The following SLFN12L variants were observed in gnomAD, a reference collection of about 807,000 sequenced individuals.
SLFN12L encodes the protein schlafen family member 12-like.
In SLFN12L, 34 loss-of-function variants were observed where a neutral mutation model predicts 34.8. The observed-to-expected ratio is 0.98, with a 90% CI of 0.74 to 1.30. The LOEUF (loss-of-function observed/expected upper bound fraction) is 1.30, where lower values mean the gene tolerates loss of function less well. Ranked by LOEUF, SLFN12L falls within the 50% of genes most tolerant of loss-of-function variation. The pLI, the probability that SLFN12L is intolerant of heterozygous loss-of-function variation, is 0.00. For missense variants in SLFN12L, 703 were observed against 696.2 expected, an observed-to-expected ratio of 1.01 and a Z score of -0.11; for synonymous variants, 259 against 247.5, an observed-to-expected ratio of 1.05 and a Z score of -0.44.
intron 4 of SLFN12L, 111 bp from the exon 5 acceptor site, chr17:35,475,596 A>C (rs1392275684): frequency 7.0e-7 from 1 of 1,434,850 alleles, no homozygotes; most frequent in Non-Finnish European, 9.1e-7. Flanking sequence ...CAACTATAAA[A>C]GCTATGTAAA....
intron 2 of SLFN12L, among the ~76,000 whole-genome samples, chr17:35,481,698 G>A (rs1032778831): frequency 6.6e-6 from 1 of 152,060 alleles, no homozygotes; most frequent in African/African-American, 2.4e-5. Flanking sequence ...GGTGGTAGTG[G>A]CCCCCCAGCC....
intron 2 of SLFN12L, among the ~76,000 whole-genome samples, chr17:35,512,335 G>A (rs546796604): frequency 7.1e-6 from 1 of 140,200 alleles, no homozygotes; most frequent in South Asian, 2.4e-4. Context: ...TTGTGTTTCT[G>A]GGAGAGAATT....
chr17:35,490,591 GGCCTGTCAAAAGAAATGACCAA>G (rs1426961381), intron 2 of SLFN12L: 1 of 821,580 alleles, frequency 1.2e-6, no homozygotes, highest in Non-Finnish European at 2.1e-6. Context: ...CCAGTGTCAA[GGCCTGTCAAAAGAAATGACCAA>G]GCTCACTCAG....
Position 35,466,782 on chromosome 17 carries a change from C to T in SLFN12L, c.*8141G>A, listed in dbSNP as rs1567634702. Among the ~76,000 whole-genome samples the T allele has an allele frequency of 6.6e-6, 1 of 152,170 alleles. No homozygotes were observed. Among genetic ancestry groups the T allele is most frequent in the Non-Finnish European group, 1.5e-5 (1 of 68,042 alleles). On this transcript the variant is annotated 3_prime_UTR_variant, in exon 5 of 5. Transcript: ENST00000628453. ...AGACTTTAACAAGCTCTACTCATGC[C>T]TCCTAAAGTCTAGACCACCTGTGAT...
rs530038198 is a variant in SLFN12L, at chr17:35,475,014, A to ATATTTGAAAGGGCCT, written c.1733_1747dup (p.Lys578_Asn582dup). 390 of 1,592,348 alleles carry ATATTTGAAAGGGCCT rather than the reference A, an allele frequency of 2.4e-4. No homozygotes were observed. In the African/African-American group the frequency reaches 4.6e-3, roughly 19 times the overall value. ...AAAGATTTGATTCTCCTTAGGTAAG[A>ATATTTGAAAGGGCCT]TATTTGAAAGGGCCTTTTCCAAGTC... On this transcript the variant is annotated inframe_insertion, in exon 5 of 5. Coordinates refer to ENST00000628453, the MANE Select transcript of SLFN12L (RefSeq NM_001363830.2).
chr17:35,512,293 G>A (rs572455588), intron 2 of SLFN12L, among the ~76,000 whole-genome samples: 1 of 142,772 alleles, frequency 7.0e-6, no homozygotes. Flanking sequence ...TCTATCACCC[G>A]GTAAACTTAA....
chr17:35,466,758 G>T lies in SLFN12L; in HGVS notation c.*8165C>A, dbSNP rs1182581868. On this transcript the variant is annotated 3_prime_UTR_variant, in exon 5 of 5. Coordinates refer to ENST00000628453, the MANE Select transcript of SLFN12L (RefSeq NM_001363830.2). The stretch of plus-strand genomic sequence containing the variant: ...CCTGCATTGATTCCTTTACTGAAGA[G>T]ACTTTAACAAGCTCTACTCATGCCT... Among the ~76,000 whole-genome samples the T allele has an allele frequency of 1.3e-5, 2 of 152,146 alleles. No homozygotes were observed. Among genetic ancestry groups the T allele is most frequent in the African/African-American group, 4.8e-5 (2 of 41,430 alleles).
chr17:35,520,411 A>C (rs1050282189), intron 2 of SLFN12L, among the ~76,000 whole-genome samples: 1 of 152,246 alleles, frequency 6.6e-6, no homozygotes, highest in African/African-American at 2.4e-5. Context: ...TAGATATAAA[A>C]GTTAAAACAT....
chr17:35,512,341 G>A (rs1274019690), intron 2 of SLFN12L, among the ~76,000 whole-genome samples: 1 of 132,232 alleles, frequency 7.6e-6, no homozygotes, highest in Admixed American at 7.8e-5. Flanking sequence ...TTCTGGGAGA[G>A]AATTTAAAAA....
rs888101346 is a variant in SLFN12L at position 35,522,495 on chromosome 17, C to A, written c.-131G>T. 31 of 1,613,084 alleles carry A rather than the reference C, an allele frequency of 1.9e-5. No individual in the cohort carries two copies. Among genetic ancestry groups the A allele is most frequent in the Middle Eastern group, 1.6e-4 (1 of 6,074 alleles). On this transcript the variant is annotated 5_prime_UTR_variant, in exon 2 of 5. Transcript: ENST00000628453. ...GAGCAGATTTAAAACCTCATAGCTG[C>A]ACAGGTCACTCAAGAGAGACCTGAA...
chr17:35,520,958 C>T (rs542619875), intron 2 of SLFN12L, among the ~76,000 whole-genome samples: 223 of 152,170 alleles, frequency 1.5e-3, no homozygotes, highest in Non-Finnish European at 2.6e-3. Context: ...TCTAAGCTTC[C>T]CCCCAATCAG....
At chr17:35,487,667 G>A in intron 2 of SLFN12L, 1 of 1,497,842 alleles carries the variant, frequency 6.7e-7, no homozygotes, top group Non-Finnish European at 9.0e-7. Flanking sequence ...CGTTTCGTCT[G>A]TACCTATTTG....
Position 35,472,921 on chromosome 17 carries a change from T to C in SLFN12L, c.*2002A>G, listed in dbSNP as rs775583793. 1.3e-5 allele frequency among the ~76,000 whole-genome samples: 2 copies of C among 152,232 alleles called. No individual in the cohort carries two copies. Among genetic ancestry groups the C allele is most frequent in the African/African-American group, 2.4e-5 (1 of 41,468 alleles). On this transcript the variant is annotated 3_prime_UTR_variant, in exon 5 of 5. Coordinates refer to ENST00000628453, the MANE Select transcript of SLFN12L (RefSeq NM_001363830.2). The stretch of plus-strand genomic sequence containing the variant: ...TTATTCTCTTTTTAGCGATTGTGAA[T>C]GTGAGTTCACTCATGATTTGGCTCT...
chr17:35,527,216 T>C (rs1482030661), intron 1 of SLFN12L, among the ~76,000 whole-genome samples: 1 of 152,008 alleles, frequency 6.6e-6, no homozygotes, highest in Non-Finnish European at 1.5e-5. Context: ...AGGCAGTAAT[T>C]AATACCCTAC....
intron 2 of SLFN12L, among the ~76,000 whole-genome samples, chr17:35,511,058 A>C (rs1336173422): frequency 6.6e-6 from 1 of 152,098 alleles, no homozygotes; most frequent in African/African-American, 2.4e-5. Context: ...ATTGATTTTC[A>C]TGTTTATCTT....
intron 1 of SLFN12L, among the ~76,000 whole-genome samples, chr17:35,528,331 A>C (rs2072358288): frequency 6.6e-6 from 1 of 150,752 alleles, no homozygotes; most frequent in Non-Finnish European, 1.5e-5. Flanking sequence ...GACTTTATTC[A>C]CAGAACTGGA....
At chr17:35,508,352 C>T (rs956548208) in intron 2 of SLFN12L, among the ~76,000 whole-genome samples, 5 of 152,168 alleles carry the variant, frequency 3.3e-5, no homozygotes, top group Non-Finnish European at 5.9e-5. Context: ...TTGTCTGCAG[C>T]TCATCCTGCT....
At chr17:35,535,364 T>A (rs1039978952) in intron 1 of SLFN12L, among the ~76,000 whole-genome samples, 10 of 151,760 alleles carry the variant, frequency 6.6e-5, no homozygotes, top group African/African-American at 2.2e-4. Context: ...CTAATTTTTT[T>A]TTTTTTATTT....
rs111611543 is a variant in SLFN12L at position 35,471,625 on chromosome 17, C to G, written c.*3298G>C. On this transcript the variant is annotated 3_prime_UTR_variant, in exon 5 of 5. Coordinates refer to ENST00000628453, the MANE Select transcript of SLFN12L (RefSeq NM_001363830.2). ...CATTCCTATTTCTCCACAGCCTCGC[C>G]GTGCAGTGGAGACTTTTTAATAATC... Among the ~76,000 whole-genome samples, 2 of 151,462 alleles carry G rather than the reference C, an allele frequency of 1.3e-5. No homozygotes were observed. The highest frequency in any genetic ancestry group is 3.0e-5 in the Non-Finnish European group (2 of 67,760).
Sources: allele counts gnomAD v4.1 joint callset (sites outside exome capture counted in the v4.1 genomes callset), GRCh38; gene constraint gnomAD v4.1.1; transcripts MANE v1.5; gene names NCBI Gene and HGNC (gene_info 2026-07-23, HGNC 2026-07-21).